NOL6: variants seen among roughly 807,000 people sequenced by gnomAD.
NOL6 encodes the protein nucleolar protein 6.
In NOL6, 33 loss-of-function variants were observed where a neutral mutation model predicts 131.7. That is an observed-to-expected ratio of 0.25 (90% confidence interval 0.19 to 0.33). The LOEUF (loss-of-function observed/expected upper bound fraction) is 0.33. Among genes scored for constraint, NOL6 ranks in the 10% least tolerant of loss-of-function variants. The probability of loss-of-function intolerance (pLI) is 1.00; values close to 1 mark genes in which losing one functional copy is unlikely to be tolerated. For synonymous variants in NOL6, 580 were observed against 605.7 expected, an observed-to-expected ratio of 0.96 and a Z score of 0.62; for missense variants, 1,297 against 1,494.5, an observed-to-expected ratio of 0.87 and a Z score of 2.18.
Position 33,466,948 on chromosome 9 carries a change from C to T in NOL6, c.1914G>A (p.Gly638=), listed in dbSNP as rs778403426. ...DIPETCVHYV[G]GPLDALIQGL... ...CTTGGATAAGTGCATCCAGGGGGCC[C>T]CCCACATAGTGGACACAGGTTTCTG... is the stretch of plus-strand genomic sequence containing the variant. The change falls in exon 15 of 26, where the codon GGG becomes GGA. Residue 638 remains glycine (G), a synonymous_variant. Coordinates refer to ENST00000297990, the MANE Select transcript of NOL6 (RefSeq NM_022917.5). 1 of 1,614,172 alleles carries T rather than the reference C, an allele frequency of 6.2e-7. No individual in the cohort carries two copies. The highest frequency in any genetic ancestry group is 1.6e-4 in the Middle Eastern group (1 of 6,062).
chr9:33,471,670 C>T (rs1373875273), intron 3 of NOL6, among the ~76,000 whole-genome samples: 1 of 152,246 alleles, frequency 6.6e-6, no homozygotes, highest in African/African-American at 2.4e-5. Context: ...AATCCCCTTA[C>T]ATTGCTCGTC....
chr9:33,470,419 G>A (rs763926673), intron 3 of NOL6: 7 of 327,670 alleles, frequency 2.1e-5, no homozygotes, highest in Admixed American at 9.9e-5. Flanking sequence ...CGAGCCGGGC[G>A]TGGTGGCTCA....
rs1463221258 is a variant in NOL6, at chr9:33,467,470, A to G, written c.1649T>C (p.Leu550Pro). 6.2e-7 allele frequency: 1 copy of G among 1,614,100 alleles called. No individual in the cohort carries two copies. The highest frequency in any genetic ancestry group is 8.5e-7 in the Non-Finnish European group (1 of 1,180,040). ...AGGCCGGAGAAGGAGTCCCAGGGTC[A>G]GGGTCCCAGAGTCTTTGTGCTTTGG... ...DPPKHKDSGT[L>P]TLGLLLRPEG... Residue 550 changes from leucine (L) to proline (P), a missense_variant, in exon 13 of 26, where the codon CTG (leucine) becomes CCG (proline). Physicochemically the swap from Leu to Pro is moderately conservative, Grantham distance 98. Coordinates refer to ENST00000297990, the MANE Select transcript of NOL6 (RefSeq NM_022917.5). This position sits in a 1 kb window ranked among gnomAD's most constrained non-coding sequence, Gnocchi z 4.4.
Position 33,468,511 on chromosome 9 carries a change from A to T in NOL6, c.1203T>A (p.Ser401=). Residue 401 remains serine (S), a synonymous_variant, in exon 9 of 26, where the codon TCT becomes TCA. Coordinates refer to ENST00000297990, the MANE Select transcript of NOL6 (RefSeq NM_022917.5). ...ACCTGGCCCTTCCCCAACTCACCAA[A>T]GAGGGATCTGAGCTGAGACATAAAC... is the stretch of plus-strand genomic sequence containing the variant. The part of the protein sequence containing the change: ...GISLCLSSDP[S]LPALADFHQA... 6.2e-7 allele frequency: 1 copy of T among 1,614,072 alleles called. No individual in the cohort carries two copies. Among genetic ancestry groups the T allele is most frequent in the Non-Finnish European group, 8.5e-7 (1 of 1,179,984 alleles).
Position 33,472,131 on chromosome 9 carries a change from G to A in NOL6, c.262-11C>T, listed in dbSNP as rs749978088. 2 of 1,612,038 alleles carry A rather than the reference G, an allele frequency of 1.2e-6. No individual in the cohort carries two copies. Among genetic ancestry groups the A allele is most frequent in the East Asian group, 4.5e-5 (2 of 44,886 alleles). On this transcript the variant is annotated splice_polypyrimidine_tract_variant and intron_variant, in intron 2 of 25. Coordinates refer to ENST00000297990, the MANE Select transcript of NOL6 (RefSeq NM_022917.5). Reference sequence around the variant, plus strand: ...TAGTAGCTCCTCTACCTGTAAGAGAGGGTAGAAGACAGTCCATCAGCCTCA... The same window carrying A: ...TAGTAGCTCCTCTACCTGTAAGAGAAGGTAGAAGACAGTCCATCAGCCTCA...
At chr9:33,471,873 A>C (rs1827419052) in intron 3 of NOL6, 131 bp downstream of exon 3, 6 of 725,128 alleles carry the variant, frequency 8.3e-6, no homozygotes, top group Non-Finnish European at 1.5e-5. Context: ...GCTCCCAGCT[A>C]AGCTTCCTTG....
rs1827335637 is a variant in NOL6 at position 33,469,113 on chromosome 9, C to T, written c.871G>A (p.Glu291Lys). 1 of 1,614,030 alleles carries T rather than the reference C, an allele frequency of 6.2e-7. No individual in the cohort carries two copies. Among genetic ancestry groups the T allele is most frequent in the Non-Finnish European group, 8.5e-7 (1 of 1,180,022 alleles). Residue 291 changes from glutamate (E) to lysine (K), a missense_variant, in exon 7 of 26, where the codon GAG (glutamate) becomes AAG (lysine). Coordinates refer to ENST00000297990, the MANE Select transcript of NOL6 (RefSeq NM_022917.5). Reference sequence around the variant, plus strand: ...GTGTTATAGCGGGGGGTAGGAGGCTCTGGGCTACCTGTGGGATGAAAAGGG... The same window carrying T: ...GTGTTATAGCGGGGGGTAGGAGGCTTTGGGCTACCTGTGGGATGAAAAGGG... ...GQSPAGDGSP[E>K]PPTPRYNTWV...
rs1219893230 is a variant in NOL6 at position 33,467,875 on chromosome 9, G to C, written c.1425-7C>G. 1 of 1,583,462 alleles carries C rather than the reference G, an allele frequency of 6.3e-7. No individual in the cohort carries two copies. The highest frequency in any genetic ancestry group is 2.2e-5 in the East Asian group (1 of 44,558). On this transcript the variant is annotated splice_region_variant and splice_polypyrimidine_tract_variant and intron_variant, in intron 11 of 25. Coordinates refer to ENST00000297990, the MANE Select transcript of NOL6 (RefSeq NM_022917.5). The surrounding 1 kb of genome is among the most constrained non-coding windows in gnomAD (Gnocchi z 4.4). ...GCGACTCAGTGGACGGAGACTGGAGGGGTACAAAGGGCCAAAGAGGGGTAA... is the reference window on the plus strand; with the variant it reads ...GCGACTCAGTGGACGGAGACTGGAGCGGTACAAAGGGCCAAAGAGGGGTAA...
chr9:33,465,086 T>C, intron 20 of NOL6, 110 bp from the exon 21 acceptor site: 2 of 1,450,746 alleles, frequency 1.4e-6, no homozygotes, highest in Non-Finnish European at 1.9e-6. Context: ...GCAGGGCATC[T>C]TAGAACCCCT....
intron 1 of NOL6, 74 bp downstream of exon 1, chr9:33,473,715 A>G: frequency 6.4e-7 from 1 of 1,553,516 alleles, no homozygotes; most frequent in Non-Finnish European, 8.8e-7. Context: ...AAGCTGTCAG[A>G]TCACGCCATC....
rs1563874650 is a variant in NOL6 at position 33,462,106 on chromosome 9, G to A, written c.*558C>T. 1 of 716,860 alleles carries A rather than the reference G, an allele frequency of 1.4e-6. No individual in the cohort carries two copies. Among genetic ancestry groups the A allele is most frequent in the Non-Finnish European group, 2.6e-6 (1 of 384,652 alleles). The allele number at this position is 716,860 out of a possible 1,614,324, so 44.4% of individuals were successfully genotyped here. ...CCTGGGAAGTGGCATCAACACAGGA[G>A]GGCATTGTGCTCCTTCAATGTGGTC... On this transcript the variant is annotated 3_prime_UTR_variant, in exon 26 of 26. Coordinates refer to ENST00000297990, the MANE Select transcript of NOL6 (RefSeq NM_022917.5).
chr9:33,465,248 G>A lies in NOL6; in HGVS notation c.2640C>T (p.Ala880=), dbSNP rs1172611240. 3.1e-6 allele frequency: 5 copies of A among 1,598,382 alleles called. No individual in the cohort carries two copies. Among genetic ancestry groups the A allele is most frequent in the South Asian group, 1.1e-5 (1 of 88,596 alleles). The part of the protein sequence containing the change: ...GFADESLDLV[A]AALFLHPEPF... ...GCTCAGGGTGCAGGAAAAGGGCAGC[G>A]GCCACCAGATCCAGGCTCTCATCAG... Residue 880 remains alanine, a synonymous_variant, in exon 20 of 26, where the codon GCC becomes GCT. Transcript: ENST00000297990.
intron 6 of NOL6, 39 bp from the exon 7 acceptor site, chr9:33,469,160 C>T (rs1297941010): frequency 1.2e-6 from 2 of 1,614,064 alleles, no homozygotes; most frequent in South Asian, 1.1e-5. Context: ...GGAAAAGTCC[C>T]CACACCTCTT....
At chr9:33,471,907 C>T in intron 3 of NOL6, 97 bp downstream of exon 3, 3 of 901,930 alleles carry the variant, frequency 3.3e-6, no homozygotes, top group Admixed American at 3.5e-5. Flanking sequence ...CTCCCTGCAC[C>T]CCAACCCTTA....
In NOL6 at chr9:33,469,097, C is replaced by CG; in HGVS notation, c.886dup (p.Arg296ProfsTer3). The CG allele has an allele frequency of 1.2e-6, 2 of 1,614,112 alleles. No homozygotes were observed. The highest frequency in any genetic ancestry group is 1.7e-6 in the Non-Finnish European group (2 of 1,180,024). On this transcript the variant is annotated frameshift_variant, in exon 7 of 26. Transcript: ENST00000297990. LOFTEE classifies it high-confidence loss of function. ...ATCTTGCAGGACCCATGTGTTATAG[C>CG]GGGGGGTAGGAGGCTCTGGGCTACC...
At chr9:33,473,383 C>A (rs1266004184) in intron 1 of NOL6, among the ~76,000 whole-genome samples, 1 of 152,214 alleles carries the variant, frequency 6.6e-6, no homozygotes, top group African/African-American at 2.4e-5. Flanking sequence ...CTCCACGATG[C>A]CTCTCATCCC....
chr9:33,473,855 A>G lies in NOL6; in HGVS notation c.-13T>C, dbSNP rs1202945303. The G allele has an allele frequency of 3.1e-6, 5 of 1,609,916 alleles. No individual in the cohort carries two copies. The highest frequency in any genetic ancestry group is 4.2e-6 in the Non-Finnish European group (5 of 1,180,018). The stretch of plus-strand genomic sequence containing the variant: ...GCGCCGGCCCCATCACTCAGGGTCC[A>G]GCACTCTCCCGCACTTCAGATTCTA... On this transcript the variant is annotated 5_prime_UTR_variant, in exon 1 of 26. Coordinates refer to ENST00000297990, the MANE Select transcript of NOL6 (RefSeq NM_022917.5).
At chr9:33,464,833 TAAAG>T (rs1271552229) in intron 21 of NOL6, 42 bp downstream of exon 21, 1 of 1,405,930 alleles carries the variant, frequency 7.1e-7, no homozygotes, top group South Asian at 1.2e-5. Context: ...CTGCAATCCA[TAAAG>T]AGCTGTTCTT....
chr9:33,467,923 C>A lies in NOL6; in HGVS notation c.1425-55G>T. Reference sequence around the variant, plus strand: ...TAATCAGGTTGCTGGCCCCTAGTACCACCTCCTCCCTGAATGATCTGAGCA... The same window carrying A: ...TAATCAGGTTGCTGGCCCCTAGTACAACCTCCTCCCTGAATGATCTGAGCA... On this transcript the variant is annotated intron_variant, in intron 11 of 25. Transcript: ENST00000297990. This position sits in a 1 kb window ranked among gnomAD's most constrained non-coding sequence, Gnocchi z 4.4. 1 of 1,588,764 alleles carries A rather than the reference C, an allele frequency of 6.3e-7. No individual in the cohort carries two copies. Among genetic ancestry groups the A allele is most frequent in the Non-Finnish European group, 8.6e-7 (1 of 1,164,338 alleles).
Sources: gnomAD v4.1 joint callset for allele counts (sites outside exome capture counted in the v4.1 genomes callset) on GRCh38, gnomAD v4.1.1 for gene constraint, Gnocchi (gnomAD v3.1) non-coding constraint, MANE v1.5 for transcripts, NCBI Gene and HGNC (gene_info 2026-07-23, HGNC 2026-07-21) for gene names.